CDH12: variants seen among roughly 807,000 people sequenced by gnomAD.
CDH12 encodes cadherin-12.
Under a neutral mutation model 74.1 loss-of-function variants are expected in CDH12, and 41 were observed. The observed-to-expected ratio is 0.55, with a 90% CI of 0.43 to 0.72. The LOEUF (loss-of-function observed/expected upper bound fraction) is 0.72, where lower values mean the gene tolerates loss of function less well. Ranked by LOEUF, CDH12 falls within the 30% of genes least tolerant of loss-of-function variation. The pLI, the probability that CDH12 is intolerant of heterozygous loss-of-function variation, is 0.00. For missense variants in CDH12, 945 were observed against 977.2 expected (o/e 0.97, Z 0.44); for synonymous variants, 399 against 355.0 (o/e 1.12, Z -1.39).
chr5:22,563,731 C>T (rs1316478946), intron 1 of CDH12, among the ~76,000 whole-genome samples: 1 of 152,090 alleles, frequency 6.6e-6, no homozygotes, highest in Non-Finnish European at 1.5e-5. Context: ...AAAAGAGGTT[C>T]ATTGGACTCA....
chr5:22,497,765 C>T (rs1232124099), intron 2 of CDH12, among the ~76,000 whole-genome samples: 2 of 150,402 alleles, frequency 1.3e-5, no homozygotes, highest in Non-Finnish European at 3.0e-5. Context: ...GCCTCAGCCT[C>T]CTAAGTGGCT....
chr5:22,554,265 G>A (rs1456438046), intron 1 of CDH12, among the ~76,000 whole-genome samples: 2 of 152,078 alleles, frequency 1.3e-5, no homozygotes, highest in East Asian at 1.9e-4. Context: ...AAAACCCACA[G>A]AATGTACAAT....
rs531483524 is a variant in CDH12 at position 22,240,390 on chromosome 5, G to T, written c.-332-27747C>A. 4.1e-4 allele frequency among the ~76,000 whole-genome samples: 63 copies of T among 152,190 alleles called. 1 individual carries two copies. The highest frequency in any genetic ancestry group is 1.3e-3 in the African/African-American group (52 of 41,530). On this transcript the variant is annotated intron_variant, in intron 3 of 14. Coordinates refer to ENST00000382254, the MANE Select transcript of CDH12 (RefSeq NM_004061.5). ...CAAATGAAATACTAAAGGTCACCAG[G>T]CATGCGAGAAAGGAGGTAATTCTAA...
intron 4 of CDH12, among the ~76,000 whole-genome samples, chr5:22,107,301 T>C (rs1283320407): frequency 2.0e-5 from 3 of 151,614 alleles, no homozygotes; most frequent in Admixed American, 2.0e-4. Context: ...CTGGCTAATT[T>C]TTTTATTTTT....
intron 5 of CDH12, among the ~76,000 whole-genome samples, chr5:21,996,515 C>T (rs1440283328): frequency 1.3e-5 from 2 of 152,128 alleles, no homozygotes; most frequent in East Asian, 3.9e-4. Flanking sequence ...GTGATTTCCC[C>T]AATATCTTCC....
At chr5:22,493,533 G>A (rs1479048064) in intron 2 of CDH12, among the ~76,000 whole-genome samples, 1 of 151,886 alleles carries the variant, frequency 6.6e-6, no homozygotes, top group African/African-American at 2.4e-5. Flanking sequence ...AGGACAGGGA[G>A]CATGCACTAT....
Position 22,141,024 on chromosome 5 carries a change from C to A in CDH12, c.-186-62162G>T, listed in dbSNP as rs575536308. ...AATTAAAACCTTTCCTCCTAGTGGA[C>A]AACAAGGCACTTTTTAATGTATCCA... On this transcript the variant is annotated intron_variant, in intron 4 of 14. Coordinates refer to ENST00000382254, the MANE Select transcript of CDH12 (RefSeq NM_004061.5). 3.3e-5 allele frequency: 5 copies of A among 152,272 alleles called. No homozygotes were observed. The East Asian group carries it at 9.6e-4, about 29-fold the overall frequency. 9.4% of individuals were successfully genotyped at this position (152,272 alleles called of 1,614,324 possible).
chr5:22,233,662 A>C (rs1752465241), intron 3 of CDH12, among the ~76,000 whole-genome samples: 1 of 152,342 alleles, frequency 6.6e-6, no homozygotes, highest in African/African-American at 2.4e-5. Flanking sequence ...CCTAAGGTAC[A>C]GTATTTTTGA....
intron 1 of CDH12, among the ~76,000 whole-genome samples, chr5:22,632,508 A>G (rs1738639568): frequency 6.6e-6 from 1 of 152,196 alleles, no homozygotes; most frequent in Non-Finnish European, 1.5e-5. Context: ...AAATTCTGGA[A>G]TTAAGAAGAA....
intron 4 of CDH12, among the ~76,000 whole-genome samples, chr5:22,160,660 C>T (rs1311882558): frequency 6.6e-6 from 1 of 152,178 alleles, no homozygotes; most frequent in East Asian, 1.9e-4. Flanking sequence ...GATTTAGTGT[C>T]TGGTGAGGGC....
At chr5:22,201,869 G>A (rs1461263283) in intron 4 of CDH12, among the ~76,000 whole-genome samples, 1 of 152,138 alleles carries the variant, frequency 6.6e-6, no homozygotes, top group South Asian at 2.1e-4. Flanking sequence ...AAGGTGATAA[G>A]AACTGTGGGG....
At chr5:22,645,838 G>T (rs1739407501) in intron 1 of CDH12, among the ~76,000 whole-genome samples, 2 of 151,868 alleles carry the variant, frequency 1.3e-5, no homozygotes. Flanking sequence ...CTCATTGAAG[G>T]TTTAGATGCT....
chr5:22,369,922 G>T (rs562996350), intron 3 of CDH12, among the ~76,000 whole-genome samples: 1 of 152,024 alleles, frequency 6.6e-6, no homozygotes, highest in South Asian at 2.1e-4. Context: ...CTTAAAACAT[G>T]GTGTCAGTTT....
chr5:22,799,034 T>A (rs1427952087), intron 1 of CDH12, among the ~76,000 whole-genome samples: 1 of 152,134 alleles, frequency 6.6e-6, no homozygotes, highest in Non-Finnish European at 1.5e-5. Context: ...GGAGGATGGC[T>A]TGAGCCTGGG....
chr5:21,755,980 T>C, intron 13 of CDH12, 138 bp from the exon 14 acceptor site: 1 of 761,458 alleles, frequency 1.3e-6, no homozygotes, highest in East Asian at 2.6e-5. Context: ...CTGTTCACAT[T>C]ATGAAAACTG....
chr5:22,287,120 C>T (rs983416226), intron 3 of CDH12, among the ~76,000 whole-genome samples: 12 of 151,916 alleles, frequency 7.9e-5, no homozygotes, highest in East Asian at 3.9e-4. Flanking sequence ...GCTGGTTGAC[C>T]GTAAGAGAAT....
At chr5:22,198,490 A>C (rs868841910) in intron 4 of CDH12, among the ~76,000 whole-genome samples, 1 of 152,082 alleles carries the variant, frequency 6.6e-6, no homozygotes, top group African/African-American at 2.4e-5. Context: ...TAAGGAACTT[A>C]ATGTCTACAA....
intron 3 of CDH12, among the ~76,000 whole-genome samples, chr5:22,349,344 T>C (rs1013383541): frequency 1.3e-5 from 2 of 152,226 alleles, no homozygotes; most frequent in Non-Finnish European, 2.9e-5. Flanking sequence ...AATCTCATGA[T>C]AATGATACAA....
intron 5 of CDH12, among the ~76,000 whole-genome samples, chr5:22,031,062 T>A (rs1738786004): frequency 6.6e-6 from 1 of 152,078 alleles, no homozygotes; most frequent in African/African-American, 2.4e-5. Context: ...GGGCCAGGCA[T>A]GGTATCTCAC....
Sources: gnomAD v4.1 joint callset for allele counts (sites outside exome capture counted in the v4.1 genomes callset) on GRCh38, gnomAD v4.1.1 for gene constraint, MANE v1.5 for transcripts, NCBI Gene and HGNC (gene_info 2026-07-23, HGNC 2026-07-21) for gene names.